The following HDAC9 variants were observed in gnomAD, a reference collection of about 807,000 sequenced individuals.
HDAC9 encodes MEF-2 interacting transcription repressor (MITR) protein.
In HDAC9, 41 loss-of-function variants were observed where a neutral mutation model predicts 139.4. That is an observed-to-expected ratio of 0.29 (90% CI 0.23 to 0.38). The LOEUF (loss-of-function observed/expected upper bound fraction) is 0.38. Among genes scored for constraint, HDAC9 ranks in the 10% least tolerant of loss-of-function variants. The pLI, the probability that HDAC9 is intolerant of heterozygous loss-of-function variation, is 1.00. For missense variants in HDAC9, 1,147 were observed against 1,297.0 expected (o/e 0.88, Z 1.78); for synonymous variants, 517 against 476.2 (o/e 1.09, Z -1.12).
intron 1 of HDAC9, among the ~76,000 whole-genome samples, chr7:18,458,622 C>T (rs759244763): frequency 6.6e-6 from 1 of 152,164 alleles, no homozygotes; most frequent in Non-Finnish European, 1.5e-5. Context: ...TTTCCTTTTG[C>T]AGTGTTCTGT....
intron 17 of HDAC9, chr7:18,807,843 G>A (rs1793844553): frequency 1.3e-5 from 2 of 152,126 alleles, no homozygotes; most frequent in South Asian, 4.1e-4. Flanking sequence ...GTGACCTAAT[G>A]TGTAATCTGT....
intron 1 of HDAC9, among the ~76,000 whole-genome samples, chr7:18,144,690 C>T (rs56835650): frequency 0.022 from 3,340 of 152,176 alleles, 123 homozygotes; most frequent in African/African-American, 0.075. Context: ...CGTGATCTGC[C>T]CTGATAAGTT....
chr7:18,517,654 T>G (rs1803669620), intron 2 of HDAC9: 1 of 152,242 alleles, frequency 6.6e-6, no homozygotes, highest in African/African-American at 2.4e-5. Context: ...TGTCCATCTT[T>G]CAGAACACGA....
intron 2 of HDAC9, among the ~76,000 whole-genome samples, chr7:18,284,154 T>G (rs143205754): frequency 3.9e-4 from 60 of 152,256 alleles, no homozygotes; most frequent in African/African-American, 1.4e-3. Flanking sequence ...ATGAGGCAAT[T>G]TTTGCTTTGT....
At chr7:18,332,205 C>A (rs1304761383) in intron 1 of HDAC9, among the ~76,000 whole-genome samples, 1 of 151,542 alleles carries the variant, frequency 6.6e-6, no homozygotes, top group African/African-American at 2.4e-5. Context: ...AAACTAACAA[C>A]CAAAATATTC....
At chr7:18,977,029 C>T (rs996764171) in intron 25 of HDAC9, among the ~76,000 whole-genome samples, 1 of 152,132 alleles carries the variant, frequency 6.6e-6, no homozygotes, top group Non-Finnish European at 1.5e-5. Context: ...TGGCCAAGAA[C>T]AGGAGATAAA....
rs564909930 is a variant in HDAC9 at position 18,181,591 on chromosome 7, A to T, written c.25+19242A>T. 3.3e-5 allele frequency among the ~76,000 whole-genome samples: 5 copies of T among 152,330 alleles called. No homozygotes were observed. The South Asian group carries it at 1.0e-3, about 32-fold the overall frequency. Reference sequence around the variant, plus strand: ...GCACGCATCAGCTTAAATTCAATTCAGGTGTATATATTGAGTACAAAAATA... The same window carrying T: ...GCACGCATCAGCTTAAATTCAATTCTGGTGTATATATTGAGTACAAAAATA... On this transcript the variant is annotated intron_variant, in intron 2 of 12. Coordinates refer to the HDAC9 transcript ENST00000417496.
intron 25 of HDAC9, among the ~76,000 whole-genome samples, chr7:18,986,861 G>C (rs1306304743): frequency 4.0e-5 from 6 of 151,510 alleles, no homozygotes; most frequent in Non-Finnish European, 7.4e-5. Context: ...CTCATGATTT[G>C]GCTGTTTGTC....
At chr7:18,667,925 T>C in intron 12 of HDAC9, 4 of 981,728 alleles carry the variant, frequency 4.1e-6, no homozygotes, top group Non-Finnish European at 4.8e-6. Context: ...TTAATATGGA[T>C]AATCCAAATT....
intron 22 of HDAC9, among the ~76,000 whole-genome samples, chr7:18,876,828 T>A (rs895886482): frequency 6.6e-6 from 1 of 151,556 alleles, no homozygotes; most frequent in South Asian, 2.1e-4. Flanking sequence ...TCAGCCTCCC[T>A]AGTAGCTGGG....
intron 17 of HDAC9, among the ~76,000 whole-genome samples, chr7:18,816,244 A>C (rs574979805): frequency 1.4e-4 from 21 of 152,314 alleles, no homozygotes; most frequent in African/African-American, 4.8e-4. Flanking sequence ...TTTTACTTCT[A>C]AGTAAAGCTT....
chr7:18,526,735 C>A (rs1459797061), intron 2 of HDAC9, among the ~76,000 whole-genome samples: 1 of 152,036 alleles, frequency 6.6e-6, no homozygotes, highest in Non-Finnish European at 1.5e-5. Context: ...CTTAGGATAG[C>A]CTACATAACT....
intron 1 of HDAC9, among the ~76,000 whole-genome samples, chr7:18,330,885 AAGTTT>A (rs1379076710): frequency 6.6e-6 from 1 of 151,752 alleles, no homozygotes; most frequent in Non-Finnish European, 1.5e-5. Flanking sequence ...GCAGAACAGT[AAGTTT>A]AGCATTGTGG....
chr7:18,232,737 A>G (rs1793547202), intron 2 of HDAC9, among the ~76,000 whole-genome samples: 1 of 152,196 alleles, frequency 6.6e-6, no homozygotes, highest in African/African-American at 2.4e-5. Flanking sequence ...CCACCAGTTC[A>G]GGGACACAGG....
rs182408812 is a variant in HDAC9, at chr7:18,186,624, T to G, written c.25+24275T>G. Among the ~76,000 whole-genome samples the G allele has an allele frequency of 1.7e-4, 26 of 152,264 alleles. No homozygotes were observed. In the East Asian group the frequency reaches 4.8e-3, roughly 28 times the overall value. ...GTCAGGAGTGGGAAGCCAGGAAAATTTGTGGTCAGAAGACCTTAATTAAAT... is the reference window on the plus strand; with the variant it reads ...GTCAGGAGTGGGAAGCCAGGAAAATGTGTGGTCAGAAGACCTTAATTAAAT... On this transcript the variant is annotated intron_variant, in intron 2 of 12. Transcript: ENST00000417496.
chr7:18,092,443 A>C (rs1782230451), intron 1 of HDAC9, among the ~76,000 whole-genome samples: 1 of 150,450 alleles, frequency 6.6e-6, no homozygotes, highest in Non-Finnish European at 1.5e-5. Context: ...AAGTCAGCAG[A>C]CCTGACTTTG....
chr7:18,317,921 G>A (rs977200898), intron 1 of HDAC9, among the ~76,000 whole-genome samples: 4 of 152,184 alleles, frequency 2.6e-5, no homozygotes, highest in Non-Finnish European at 4.4e-5. Context: ...TAAATGGCCT[G>A]TATACAGGCT....
At chr7:18,831,106 T>C (rs766344211) in intron 19 of HDAC9, among the ~76,000 whole-genome samples, 3 of 151,088 alleles carry the variant, frequency 2.0e-5, no homozygotes, top group Non-Finnish European at 4.4e-5. Flanking sequence ...TGTAAGAAGG[T>C]GATTGGTCAA....
chr7:18,365,856 T>G (rs1341273752), intron 1 of HDAC9, among the ~76,000 whole-genome samples: 1 of 151,964 alleles, frequency 6.6e-6, no homozygotes, highest in Non-Finnish European at 1.5e-5. Context: ...AATAGTAATT[T>G]CCAAATAGAG....
Sources: allele counts gnomAD v4.1 joint callset (sites outside exome capture counted in the v4.1 genomes callset), GRCh38; gene constraint gnomAD v4.1.1; transcripts MANE v1.5; gene names NCBI Gene and HGNC (gene_info 2026-07-23, HGNC 2026-07-21).